Variants in PFKFB3 observed in about 807,000 individuals in gnomAD.
The protein encoded by PFKFB3 is 6-phosphofructo-2-kinase/fructose-2,6-bisphosphatase 3.
A neutral mutation model predicts 68.0 loss-of-function variants in PFKFB3; 33 were observed. The observed-to-expected ratio is 0.49, with a 90% confidence interval of 0.37 to 0.65. The LOEUF is 0.65. Ranked by LOEUF, PFKFB3 falls within the 30% of genes least tolerant of loss-of-function variation. The pLI is 0.00. For missense variants in PFKFB3, 586 were observed against 712.2 expected, an observed-to-expected ratio of 0.82 and a Z score of 2.02; for synonymous variants, 315 against 288.2, an observed-to-expected ratio of 1.09 and a Z score of -0.94.
chr10:6,258,185 AT>A (rs1194488311), downstream of PFKFB3, among the ~76,000 whole-genome samples: 8 of 150,466 alleles, frequency 5.3e-5, no homozygotes, highest in Admixed American at 6.6e-5. Context: ...TTTTGATCTT[AT>A]TTTTTTTTTG....
chr10:6,236,618 C>T (rs538910650), downstream of PFKFB3, among the ~76,000 whole-genome samples: 1 of 152,332 alleles, frequency 6.6e-6, no homozygotes, highest in Admixed American at 6.5e-5. Context: ...TTCTGGGGAA[C>T]CTGAGGCCAC....
At chr10:6,198,758 C>T (rs1450180770), upstream of PFKFB3, among the ~76,000 whole-genome samples, 1 of 152,266 alleles carries the variant, frequency 6.6e-6, no homozygotes, top group African/African-American at 2.4e-5. Flanking sequence ...ACTGGGATTA[C>T]AGGCGTGAGC....
chr10:6,290,937 A>C, the PFKFB3 span, among the ~76,000 whole-genome samples: 1 of 152,054 alleles, frequency 6.6e-6, no homozygotes, highest in African/African-American at 2.4e-5. Context: ...TTATTACTTC[A>C]AATATTTTTT....
At chr10:6,184,188 G>GATT (rs1842805162) in intron 1 of PFKFB3, among the ~76,000 whole-genome samples, 1 of 151,830 alleles carries the variant, frequency 6.6e-6, no homozygotes, top group Non-Finnish European at 1.5e-5. Context: ...GAGTAGCTGG[G>GATT]GTTGTAGGTG....
At chr10:6,183,709 A>G (rs1254813382) in intron 1 of PFKFB3, among the ~76,000 whole-genome samples, 1 of 148,310 alleles carries the variant, frequency 6.7e-6, no homozygotes, top group East Asian at 2.0e-4. Flanking sequence ...TTTTTTTGAG[A>G]CAGAGTCTCG....
the PFKFB3 span, among the ~76,000 whole-genome samples, chr10:6,286,846 C>T: frequency 6.6e-6 from 1 of 152,098 alleles, no homozygotes; most frequent in Non-Finnish European, 1.5e-5. Flanking sequence ...TTTAATTGAG[C>T]ATCTTATATG....
chr10:6,211,070 C>A (rs73615835), intron 1 of PFKFB3, among the ~76,000 whole-genome samples: 491 of 150,348 alleles, frequency 3.3e-3, no homozygotes, highest in African/African-American at 0.012. Flanking sequence ...GTTATAGCGC[C>A]CCTCTCTTTG....
At chr10:6,219,904 T>C (rs1844835476) in intron 7 of PFKFB3, among the ~76,000 whole-genome samples, 1 of 152,142 alleles carries the variant, frequency 6.6e-6, no homozygotes, top group African/African-American at 2.4e-5. Context: ...GATACCTTTA[T>C]CAACTCTCTT....
chr10:6,296,066 G>T, the PFKFB3 span, among the ~76,000 whole-genome samples: 2 of 152,144 alleles, frequency 1.3e-5, no homozygotes, highest in Admixed American at 1.3e-4. Flanking sequence ...CTCCAGTTTT[G>T]GGGACAGAGA....
At chr10:6,227,610 C>T (rs544594403) in intron 14 of PFKFB3, among the ~76,000 whole-genome samples, 14 of 152,202 alleles carry the variant, frequency 9.2e-5, no homozygotes, top group African/African-American at 2.4e-4. Flanking sequence ...GGCCCAGTGT[C>T]GGGCATGTGG....
chr10:6,169,848 A>G (rs1034425547), intron 1 of PFKFB3, among the ~76,000 whole-genome samples: 1 of 152,170 alleles, frequency 6.6e-6, no homozygotes, highest in Admixed American at 6.5e-5. Flanking sequence ...TTTCCCTAAC[A>G]TTGTTATGTC....
At chr10:6,303,703 G>A in the PFKFB3 span, among the ~76,000 whole-genome samples, 2 of 151,570 alleles carry the variant, frequency 1.3e-5, no homozygotes, top group African/African-American at 4.8e-5. Context: ...GGGAGGCTGC[G>A]GCAGGAGAAT....
intron 1 of PFKFB3, among the ~76,000 whole-genome samples, chr10:6,210,356 G>GT (rs762723368): frequency 0.52 from 22,902 of 44,420 alleles, 6,751 homozygotes; most frequent in South Asian, 0.78. Context: ...GTTTTTTTTT[G>GT]TTTTTTTGTT....
intron 1 of PFKFB3, among the ~76,000 whole-genome samples, chr10:6,181,920 G>A (rs1471801999): frequency 2.6e-5 from 4 of 152,074 alleles, no homozygotes; most frequent in Admixed American, 6.6e-5. Context: ...GAGGGAGAAT[G>A]GGGAGCTGGT....
chr10:6,267,402 A>C, the PFKFB3 span, among the ~76,000 whole-genome samples: 1 of 152,198 alleles, frequency 6.6e-6, no homozygotes, highest in Non-Finnish European at 1.5e-5. Context: ...TCACTTCAGC[A>C]TGTGTACTTG....
the PFKFB3 span, among the ~76,000 whole-genome samples, chr10:6,280,786 CT>C: frequency 1.4e-4 from 20 of 146,400 alleles, no homozygotes; most frequent in Middle Eastern, 3.4e-3. Context: ...GAGGCACATG[CT>C]TTTTTTTTTG....
At chr10:6,262,844 G>A in the PFKFB3 span, among the ~76,000 whole-genome samples, 4 of 152,164 alleles carry the variant, frequency 2.6e-5, no homozygotes, top group Admixed American at 2.6e-4. Flanking sequence ...TCACAGCGAG[G>A]AGACTCAGAC....
At chr10:6,225,392 C>T in intron 13 of PFKFB3, 1 of 364,878 alleles carries the variant, frequency 2.7e-6, no homozygotes, top group Non-Finnish European at 5.5e-6. Flanking sequence ...CCCTGTCACC[C>T]CCTCCACTTC....
At chr10:6,300,675 T>C in the PFKFB3 span, among the ~76,000 whole-genome samples, 1 of 152,224 alleles carries the variant, frequency 6.6e-6, no homozygotes, top group South Asian at 2.1e-4. Context: ...TCTTATTAAC[T>C]CCACCCAGAA....
Sources: allele counts gnomAD v4.1 joint callset (sites outside exome capture counted in the v4.1 genomes callset), GRCh38; gene constraint gnomAD v4.1.1; transcripts MANE v1.5; gene names NCBI Gene and HGNC (gene_info 2026-07-23, HGNC 2026-07-21).